Variants in NFU1 observed in about 807,000 individuals in gnomAD.
NFU1 encodes the protein NFU1 iron-sulfur cluster scaffold.
NFU1 carries 30 observed loss-of-function variants against 32.2 expected under a neutral mutation model. That is an observed-to-expected ratio of 0.93 (90% CI 0.70 to 1.26). NFU1 has a LOEUF of 1.26. NFU1 is among the 50% of genes most tolerant of loss of function. NFU1 has a pLI of 0.00. For missense variants in NFU1, 306 were observed against 306.6 expected, an observed-to-expected ratio of 1.00 and a Z score of 0.02; for synonymous variants, 112 against 104.6, an observed-to-expected ratio of 1.07 and a Z score of -0.43.
chr2:69,402,651 G>T (rs892472669), intron 6 of NFU1, among the ~76,000 whole-genome samples: 1 of 150,654 alleles, frequency 6.6e-6, no homozygotes, highest in East Asian at 2.0e-4. Flanking sequence ...GCTCGATCTC[G>T]GCTCACTGTA....
chr2:69,437,587 T>C, upstream of NFU1: 1 of 823,418 alleles, frequency 1.2e-6, no homozygotes, highest in South Asian at 1.4e-5. Context: ...GTTTGCAGGC[T>C]ACTGCGTCAC....
chr2:69,405,641 A>C (rs1156411548), intron 6 of NFU1, among the ~76,000 whole-genome samples: 1 of 152,124 alleles, frequency 6.6e-6, no homozygotes, highest in Non-Finnish European at 1.5e-5. Flanking sequence ...GCTGTTCTCC[A>C]CTCACTTAAC....
In NFU1 at chr2:69,396,140, G is replaced by A. The variant is rs1363439958; in HGVS notation, c.*106C>T. ...CAATATTTATATATCATTCTCTGAA[G>A]AGCATATTTTATTAATCTTCAAGTT... On this transcript the variant is annotated 3_prime_UTR_variant, in exon 8 of 8. Coordinates refer to ENST00000410022, the MANE Select transcript of NFU1 (RefSeq NM_001002755.4). 1 of 890,616 alleles carries A rather than the reference G, an allele frequency of 1.1e-6. No homozygotes were observed. 55.2% of individuals were successfully genotyped at this position (890,616 alleles called of 1,614,324 possible).
chr2:69,405,499 G>C (rs754666426), intron 6 of NFU1, among the ~76,000 whole-genome samples: 2 of 152,106 alleles, frequency 1.3e-5, no homozygotes, highest in Non-Finnish European at 2.9e-5. Context: ...CCAGGATCTT[G>C]GCACCTCACA....
chr2:69,406,619 G>A (rs6546514), intron 5 of NFU1, among the ~76,000 whole-genome samples: 99,785 of 152,032 alleles, frequency 0.66, 34,085 homozygotes, highest in African/African-American at 0.86. Flanking sequence ...TGCCCAGTGC[G>A]GAGTGCAGTG....
At chr2:69,411,751 C>T (rs530460726) in intron 5 of NFU1, among the ~76,000 whole-genome samples, 1 of 152,078 alleles carries the variant, frequency 6.6e-6, no homozygotes, top group East Asian at 1.9e-4. Flanking sequence ...CATCACCATG[C>T]CCAGCTAATT....
chr2:69,415,435 A>G, intron 4 of NFU1, 136 bp from the exon 5 acceptor site: 2 of 633,040 alleles, frequency 3.2e-6, no homozygotes, highest in South Asian at 1.8e-5. Context: ...GATGGAGTAC[A>G]GTGGTGTGAT....
rs184596532 is a variant in NFU1 at position 69,433,065 on chromosome 2, G to A, written c.63-1060C>T. On this transcript the variant is annotated intron_variant, in intron 1 of 7. Transcript: ENST00000410022. ...CTCGGGAGGCTGAGGCAGAGGAATC[G>A]CTTGAACCCAGGAGGCGTAGGTTGC... Among the ~76,000 whole-genome samples the A allele has an allele frequency of 4.2e-5, 6 of 143,868 alleles. No individual in the cohort carries two copies. The South Asian group carries it at 8.7e-4, about 21-fold the overall frequency. The allele number at this position is 143,868 out of a possible 152,430, so 94.4% of individuals were successfully genotyped here.
rs534309730 is a variant in NFU1 at position 69,404,615 on chromosome 2, A to ATTTTT, written c.545+1402_545+1406dup. Among the ~76,000 whole-genome samples, 50 of 73,008 alleles carry ATTTTT rather than the reference A, an allele frequency of 6.8e-4. 5 individuals carry two copies. Among genetic ancestry groups the ATTTTT allele is most frequent in the East Asian group, 3.4e-3 (10 of 2,908 alleles). 47.9% of individuals were successfully genotyped at this position (73,008 alleles called of 152,430 possible). A position where few individuals can be genotyped will look rare whatever the true frequency, so the allele number is the denominator to read the frequency against. ...CACTTAATAACTACTATCTTAGCAA[A>ATTTTT]TTTTTTTTTTTTTTTTTTTTTTTGA... On this transcript the variant is annotated intron_variant, in intron 6 of 7. Transcript: ENST00000410022.
intron 5 of NFU1, chr2:69,411,046 G>T (rs942385068): frequency 6.6e-6 from 1 of 151,636 alleles, no homozygotes; most frequent in East Asian, 1.9e-4. Context: ...AAACAGGAAG[G>T]GGGGCAAAAA....
chr2:69,399,596 T>C (rs560221371), intron 7 of NFU1, among the ~76,000 whole-genome samples: 2 of 117,910 alleles, frequency 1.7e-5, no homozygotes, highest in Admixed American at 1.0e-4. Flanking sequence ...TTGGGCAACA[T>C]AGCAAGACCC....
intron 2 of NFU1, among the ~76,000 whole-genome samples, chr2:69,426,791 G>A (rs1673468115): frequency 1.3e-5 from 2 of 151,934 alleles, no homozygotes; most frequent in Admixed American, 6.6e-5. Flanking sequence ...TCATAATGAA[G>A]GGGGCAGTGG....
intron 2 of NFU1, among the ~76,000 whole-genome samples, chr2:69,430,180 A>T (rs548524620): frequency 6.6e-6 from 1 of 151,908 alleles, no homozygotes; most frequent in Admixed American, 6.6e-5. Flanking sequence ...GAGACTTACA[A>T]CAGGAAACAG....
chr2:69,405,276 T>C (rs1051169817), intron 6 of NFU1, among the ~76,000 whole-genome samples: 4 of 152,290 alleles, frequency 2.6e-5, no homozygotes, highest in Middle Eastern at 6.8e-3. Flanking sequence ...TTTTCTTAAC[T>C]TCCCTGCTCT....
At chr2:69,437,776 C>T (rs564137181), upstream of NFU1, 19 of 430,912 alleles carry the variant, frequency 4.4e-5, no homozygotes, top group East Asian at 8.4e-4. Flanking sequence ...CCCATTCCCT[C>T]CTCTAGGACC....
chr2:69,422,114 TG>T (rs1274365234), intron 3 of NFU1, among the ~76,000 whole-genome samples: 1 of 152,118 alleles, frequency 6.6e-6, no homozygotes, highest in Non-Finnish European at 1.5e-5. Flanking sequence ...CTTTAAGAGA[TG>T]GCTTCTAAGT....
At chr2:69,427,940 T>C (rs1673520026) in intron 2 of NFU1, among the ~76,000 whole-genome samples, 1 of 151,976 alleles carries the variant, frequency 6.6e-6, no homozygotes. Flanking sequence ...GGACAATCAC[T>C]TGAACCTGGG....
Position 69,418,236 on chromosome 2 carries a change from C to CA in NFU1, c.369+1301dup, listed in dbSNP as rs201543303. Among the ~76,000 whole-genome samples the CA allele has an allele frequency of 9.6e-3, 1,464 of 152,160 alleles. 23 individuals are homozygous for CA. The highest frequency in any genetic ancestry group is 0.034 in the African/African-American group (1,402 of 41,512). On this transcript the variant is annotated intron_variant, in intron 4 of 7. Transcript: ENST00000410022. ...AAAACATGGCGAAACCCTATCTCTA[C>CA]AAAAAATACAAAAATTAGTTGGACA...
At chr2:69,413,996 G>A (rs973105541) in intron 5 of NFU1, among the ~76,000 whole-genome samples, 4 of 151,830 alleles carry the variant, frequency 2.6e-5, no homozygotes, top group Admixed American at 1.3e-4. Flanking sequence ...GCAGTGAGCC[G>A]AGATCACGCC....
Sources: gnomAD v4.1 joint callset for allele counts (sites outside exome capture counted in the v4.1 genomes callset) on GRCh38, gnomAD v4.1.1 for gene constraint, MANE v1.5 for transcripts, NCBI Gene and HGNC (gene_info 2026-07-23, HGNC 2026-07-21) for gene names.